The following PRDM6 variants were observed in gnomAD, a reference collection of about 807,000 sequenced individuals.
PRDM6 encodes the protein PR/SET domain 6.
Under a neutral mutation model 60.8 loss-of-function variants are expected in PRDM6, and 25 were observed. The ratio of observed to expected loss-of-function variants is 0.41; its 90% confidence interval spans 0.30 to 0.57. The LOEUF (loss-of-function observed/expected upper bound fraction) is 0.57. Among genes scored for constraint, PRDM6 ranks in the 20% least tolerant of loss-of-function variants. The probability of loss-of-function intolerance (pLI) is 0.27; values close to 1 mark genes in which losing one functional copy is unlikely to be tolerated. For missense variants in PRDM6, 839 were observed against 821.3 expected, an observed-to-expected ratio of 1.02 and a Z score of -0.26; for synonymous variants, 407 against 357.4, an observed-to-expected ratio of 1.14 and a Z score of -1.57.
At chr5:123,186,260 T>G (rs1315783813) in intron 7 of PRDM6, among the ~76,000 whole-genome samples, 1 of 152,222 alleles carries the variant, frequency 6.6e-6, no homozygotes, top group Non-Finnish European at 1.5e-5. Flanking sequence ...TGTGTTCTGC[T>G]TTTTGTAGAT....
chr5:123,171,168 C>G, intron 6 of PRDM6, 60 bp downstream of exon 6: 1 of 1,366,768 alleles, frequency 7.3e-7, no homozygotes, highest in Non-Finnish European at 9.9e-7. Flanking sequence ...TGCTTGCCTT[C>G]CCGCCAACTT....
chr5:123,137,348 C>G (rs1764983044), intron 3 of PRDM6, among the ~76,000 whole-genome samples: 1 of 152,146 alleles, frequency 6.6e-6, no homozygotes, highest in African/African-American at 2.4e-5. Context: ...TCATATTACC[C>G]TGGCATTTTA....
intron 3 of PRDM6, among the ~76,000 whole-genome samples, chr5:123,135,583 C>G (rs1764934661): frequency 6.6e-6 from 1 of 152,098 alleles, no homozygotes; most frequent in Admixed American, 6.6e-5. Flanking sequence ...AACATTACAA[C>G]AACCACCCTC....
intron 3 of PRDM6, among the ~76,000 whole-genome samples, chr5:123,124,007 TG>T (rs1422859601): frequency 2.0e-5 from 3 of 151,942 alleles, no homozygotes; most frequent in African/African-American, 7.3e-5. Context: ...CTCATTAGAG[TG>T]ACATGAGCAA....
At chr5:123,114,491 T>G (rs1764388852) in intron 3 of PRDM6, among the ~76,000 whole-genome samples, 1 of 152,164 alleles carries the variant, frequency 6.6e-6, no homozygotes, top group Non-Finnish European at 1.5e-5. Flanking sequence ...CCTTGAGACT[T>G]GTTGAGGTTT....
chr5:123,192,319 GT>G lies in PRDM6; in HGVS notation c.*5125del, dbSNP rs886200901. The G allele has an allele frequency of 2.0e-5, 3 of 151,880 alleles. No individual in the cohort carries two copies. The highest frequency in any genetic ancestry group is 4.4e-5 in the Non-Finnish European group (3 of 67,966). 9.4% of individuals were successfully genotyped at this position (151,880 alleles called of 1,614,324 possible). A position where few individuals can be genotyped will look rare whatever the true frequency, so the allele number is the denominator to read the frequency against. ...CAGTTTTAGCTTTGTAGCTTCTTTA[GT>G]TTTTTTCCTCCTTCAAAGCCATAAA... On this transcript the variant is annotated 3_prime_UTR_variant, in exon 8 of 8. Transcript: ENST00000407847.
chr5:123,124,723 G>A (rs1408363615), intron 3 of PRDM6, among the ~76,000 whole-genome samples: 1 of 152,194 alleles, frequency 6.6e-6, no homozygotes, highest in African/African-American at 2.4e-5. Context: ...AAAATTTATG[G>A]TTAAGACTGG....
At chr5:123,157,609 T>A (rs2126874008) in intron 4 of PRDM6, among the ~76,000 whole-genome samples, 1 of 152,238 alleles carries the variant, frequency 6.6e-6, no homozygotes. Flanking sequence ...CAAAATGAAA[T>A]ACAAAAGCCC....
At chr5:123,125,281 A>C (rs539091893) in intron 3 of PRDM6, among the ~76,000 whole-genome samples, 38 of 152,232 alleles carry the variant, frequency 2.5e-4, no homozygotes, top group Non-Finnish European at 4.7e-4. Context: ...GTACATTTTA[A>C]GTCTTGGTGA....
chr5:123,157,062 CTT>C (rs35295245), intron 4 of PRDM6, among the ~76,000 whole-genome samples: 48 of 140,296 alleles, frequency 3.4e-4, no homozygotes, highest in Non-Finnish European at 3.4e-4. Context: ...TTTTCCTTTC[CTT>C]TTTTTTTTTT....
chr5:123,113,777 G>A (rs772278288), intron 3 of PRDM6, among the ~76,000 whole-genome samples: 1 of 152,178 alleles, frequency 6.6e-6, no homozygotes, highest in Non-Finnish European at 1.5e-5. Context: ...GGTGGACACT[G>A]CACTGGTTTT....
intron 3 of PRDM6, among the ~76,000 whole-genome samples, chr5:123,116,569 T>C (rs1397489457): frequency 1.3e-5 from 2 of 152,220 alleles, no homozygotes; most frequent in African/African-American, 4.8e-5. Flanking sequence ...TTTGGATCAC[T>C]GTATACAGTA....
At chr5:123,186,938 C>T (rs922184583) in intron 7 of PRDM6, 149 bp from the exon 8 acceptor site, 6 of 602,778 alleles carry the variant, frequency 1.0e-5, no homozygotes, top group Non-Finnish European at 1.8e-5. Flanking sequence ...GGCATCCAGG[C>T]CTTGGAAGGA....
chr5:123,152,500 G>A (rs1350176279), intron 3 of PRDM6, among the ~76,000 whole-genome samples: 1 of 152,114 alleles, frequency 6.6e-6, no homozygotes, highest in Non-Finnish European at 1.5e-5. Context: ...TAGCCTGAGA[G>A]CCACTAGTTT....
intron 3 of PRDM6, among the ~76,000 whole-genome samples, chr5:123,155,186 A>G (rs1183727078): frequency 1.3e-5 from 2 of 151,812 alleles, no homozygotes; most frequent in African/African-American, 2.4e-5. Flanking sequence ...GGCAGTAACA[A>G]TTAGACAACT....
intron 7 of PRDM6, among the ~76,000 whole-genome samples, chr5:123,186,419 A>AT: frequency 6.6e-6 from 1 of 152,280 alleles, no homozygotes; most frequent in South Asian, 2.1e-4. Flanking sequence ...GAAGTGTGAC[A>AT]TTTTCTCCTC....
chr5:123,160,240 G>C (rs1190102908), intron 5 of PRDM6, among the ~76,000 whole-genome samples: 1 of 152,190 alleles, frequency 6.6e-6, no homozygotes, highest in African/African-American at 2.4e-5. Context: ...TTATTACCGT[G>C]CCAACCATTA....
chr5:123,119,556 C>T (rs959806826), intron 3 of PRDM6, among the ~76,000 whole-genome samples: 2 of 152,168 alleles, frequency 1.3e-5, no homozygotes, highest in Admixed American at 6.5e-5. Context: ...GCCCTGCCCC[C>T]TCTTGGAATT....
At chr5:123,112,063 C>G (rs1263609919) in intron 3 of PRDM6, among the ~76,000 whole-genome samples, 1 of 152,214 alleles carries the variant, frequency 6.6e-6, no homozygotes, top group African/African-American at 2.4e-5. Flanking sequence ...TTTCAGAACT[C>G]CGCCTGGCTA....
Sources: gnomAD v4.1 joint callset for allele counts (sites outside exome capture counted in the v4.1 genomes callset) on GRCh38, gnomAD v4.1.1 for gene constraint, MANE v1.5 for transcripts, NCBI Gene and HGNC (gene_info 2026-07-23, HGNC 2026-07-21) for gene names.